The following ZFP28 variants were observed in gnomAD, a reference collection of about 807,000 sequenced individuals.
ZFP28 encodes zinc finger protein 28 homolog.
A neutral mutation model predicts 39.5 loss-of-function variants in ZFP28; 31 were observed. The observed-to-expected ratio is 0.79, with a 90% confidence interval of 0.59 to 1.06. The LOEUF (loss-of-function observed/expected upper bound fraction) is 1.06. Ranked by LOEUF, ZFP28 falls within the 50% of genes least tolerant of loss-of-function variation. The pLI is 0.00. For missense variants in ZFP28, 925 were observed against 1,048.4 expected (o/e 0.88, Z 1.63); for synonymous variants, 400 against 378.6 (o/e 1.06, Z -0.66).
chr19:56,553,524 A>C (rs2044323052), intron 7 of ZFP28, among the ~76,000 whole-genome samples, 160 bp from the exon 8 acceptor site: 1 of 152,172 alleles, frequency 6.6e-6, no homozygotes, highest in Non-Finnish European at 1.5e-5. Context: ...TACAGGTGTA[A>C]GCCACTGTGC....
At chr19:56,543,302 T>C (rs1360765636) in intron 2 of ZFP28, among the ~76,000 whole-genome samples, 2 of 148,560 alleles carry the variant, frequency 1.3e-5, no homozygotes, top group Non-Finnish European at 1.5e-5. Context: ...TCTCTATCTT[T>C]GTGTGTGTGC....
In ZFP28 at chr19:56,555,103, G is replaced by A. The variant is rs762201381; in HGVS notation, c.2318G>A (p.Ser773Asn). The A allele has an allele frequency of 1.2e-5, 20 of 1,614,056 alleles. No individual in the cohort carries two copies. Among genetic ancestry groups the A allele is most frequent in the Non-Finnish European group, 1.6e-5 (19 of 1,180,036 alleles). Residue 773 changes from serine (S) to asparagine (N), a missense_variant, in exon 8 of 8, where the codon AGT becomes AAT. Around this residue, in one of 2 missense-constraint regions of ZFP28, gnomAD observed 369 missense variants for 505.5 expected, o/e 0.73. Coordinates refer to ENST00000301318, the MANE Select transcript of ZFP28 (RefSeq NM_020828.2). The stretch of plus-strand genomic sequence containing the variant: ...GCCTTTAGTCATCGTCAATCCCTTA[G>A]TGTACATCAGAGAATCCATTCTGGA... The part of the protein sequence containing the change: ...GKAFSHRQSL[S>N]VHQRIHSGKK...
Position 56,539,177 on chromosome 19 carries a change from C to A in ZFP28, c.159C>A (p.Leu53=), listed in dbSNP as rs769215555. ...GAAGGCCGCGCTCAAGGAATGGCCTCGCATCCAAAGGCCAGCGAGGAGCGG... is the reference window on the plus strand; with the variant it reads ...GAAGGCCGCGCTCAAGGAATGGCCTAGCATCCAAAGGCCAGCGAGGAGCGG... ...ARGRPRSRNG[L]ASKGQRGAAP... is the part of the protein sequence containing the mutation. Residue 53 remains leucine, a synonymous_variant, in exon 1 of 8, where the codon CTC becomes CTA. Transcript: ENST00000301318. The A allele has an allele frequency of 6.2e-7, 1 of 1,603,406 alleles. No individual in the cohort carries two copies. The highest frequency in any genetic ancestry group is 1.1e-5 in the South Asian group (1 of 89,932).
intron 7 of ZFP28, chr19:56,551,909 T>C (rs2044307773): frequency 1.0e-6 from 1 of 982,810 alleles, no homozygotes; most frequent in South Asian, 4.7e-5. Flanking sequence ...TGTCTCAAAC[T>C]ATTTTCACAT....
intron 2 of ZFP28, among the ~76,000 whole-genome samples, chr19:56,543,291 G>A (rs1277406244): frequency 6.7e-6 from 1 of 148,406 alleles, no homozygotes; most frequent in East Asian, 2.0e-4. Context: ...TTCTTTTAAT[G>A]TCTCTATCTT....
At chr19:56,539,304 T>A in intron 1 of ZFP28, 78 bp downstream of exon 1, 1 of 1,406,148 alleles carries the variant, frequency 7.1e-7, no homozygotes, top group Non-Finnish European at 9.5e-7. Context: ...GGGGTTGGGC[T>A]CTCGGGGACC....
intron 2 of ZFP28, among the ~76,000 whole-genome samples, chr19:56,540,238 T>C (rs932673584): frequency 1.1e-4 from 16 of 152,134 alleles, no homozygotes; most frequent in African/African-American, 3.4e-4. Context: ...AGCGGAAGGG[T>C]AGGCCTATTT....
At chr19:56,539,507 A>C in intron 1 of ZFP28, 118 bp from the exon 2 acceptor site, 1 of 866,070 alleles carries the variant, frequency 1.2e-6, no homozygotes, top group Non-Finnish European at 1.8e-6. Flanking sequence ...ACGTTGTGGC[A>C]GTCCCTAGGC....
chr19:56,543,553 T>C (rs2044214706), intron 2 of ZFP28, among the ~76,000 whole-genome samples: 1 of 151,914 alleles, frequency 6.6e-6, no homozygotes, highest in African/African-American at 2.4e-5. Flanking sequence ...TATAGGCGTG[T>C]GCCACCATAC....
At chr19:56,549,982 G>A (rs887060796) in intron 5 of ZFP28, 85 bp from the exon 6 acceptor site, 7 of 1,058,340 alleles carry the variant, frequency 6.6e-6, no homozygotes, top group Middle Eastern at 5.7e-4. Context: ...TGCCTTTTTT[G>A]CAGTGTGGAC....
chr19:56,544,918 T>C (rs1377851601), intron 2 of ZFP28, among the ~76,000 whole-genome samples: 2 of 152,178 alleles, frequency 1.3e-5, no homozygotes, highest in African/African-American at 2.4e-5. Context: ...CTCTACGTGA[T>C]TACATTGAAG....
rs2044210155 is a variant in ZFP28 at position 56,543,151 on chromosome 19, CTGAAT to C, written c.300+3442_300+3446del. 1.2e-4 allele frequency among the ~76,000 whole-genome samples: 18 copies of C among 151,986 alleles called. No individual in the cohort carries two copies. The South Asian group carries it at 3.5e-3, about 30-fold the overall frequency. ...TTTATTTGTATGTTTTAAAAATTAA[CTGAAT>C]TGAATTTAAACAAATCTTTTTAGTG... is the stretch of plus-strand genomic sequence containing the variant. On this transcript the variant is annotated intron_variant, in intron 2 of 7. Transcript: ENST00000301318.
intron 7 of ZFP28, chr19:56,551,145 T>C (rs1338363709): frequency 9.9e-7 from 1 of 1,008,504 alleles, no homozygotes. Context: ...TAGGGCATTA[T>C]AGAGACAAAG....
Position 56,554,074 on chromosome 19 carries a change from C to G in ZFP28, c.1289C>G (p.Thr430Ser). Residue 430 changes from threonine to serine, a missense_variant, in exon 8 of 8, where the codon ACC (threonine) becomes AGC (serine). Physicochemically the swap from Thr to Ser is moderately conservative, Grantham distance 58 (BLOSUM62 1). Coordinates refer to ENST00000301318, the MANE Select transcript of ZFP28 (RefSeq NM_020828.2). This position sits in a 1 kb window ranked among gnomAD's most constrained non-coding sequence, Gnocchi z 6.7. ...FKCNECKKTF[T>S]QSSSLTVHQR... is the part of the protein sequence containing the mutation. ...TGTAATGAATGTAAGAAAACTTTTACCCAGAGCTCATCTCTTACTGTTCAT... is the reference window on the plus strand; with the variant it reads ...TGTAATGAATGTAAGAAAACTTTTAGCCAGAGCTCATCTCTTACTGTTCAT... 1 of 1,614,172 alleles carries G rather than the reference C, an allele frequency of 6.2e-7. No individual in the cohort carries two copies. Among genetic ancestry groups the G allele is most frequent in the Non-Finnish European group, 8.5e-7 (1 of 1,180,038 alleles).
chr19:56,554,849 C>T lies in ZFP28; in HGVS notation c.2064C>T (p.Leu688=). Residue 688 remains leucine, a synonymous_variant, in exon 8 of 8, where the codon CTC becomes CTT. Transcript: ENST00000301318. The surrounding 1 kb of genome is among the most constrained non-coding windows in gnomAD (Gnocchi z 6.7). ...CGKAFSQTTH[L]IQHQRVHTGE... is the part of the protein sequence containing the mutation. ...AAGCCTTCAGCCAGACCACACACCT[C>T]ATTCAACATCAGAGAGTTCACACTG... is the stretch of plus-strand genomic sequence containing the variant. 6.2e-7 allele frequency: 1 copy of T among 1,614,062 alleles called. No individual in the cohort carries two copies. The highest frequency in any genetic ancestry group is 2.2e-5 in the East Asian group (1 of 44,860).
At chr19:56,541,525 C>T (rs1349187647) in intron 2 of ZFP28, among the ~76,000 whole-genome samples, 1 of 152,120 alleles carries the variant, frequency 6.6e-6, no homozygotes, top group East Asian at 1.9e-4. Flanking sequence ...GTGCTCAGGA[C>T]CCTCCAGTGG....
At chr19:56,550,750 C>G (rs1759364154) in intron 7 of ZFP28, 145 bp downstream of exon 7, 1 of 1,542,000 alleles carries the variant, frequency 6.5e-7, no homozygotes, top group Non-Finnish European at 8.7e-7. Context: ...TCTGGGAGTT[C>G]CAAATAATTC....
At chr19:56,552,619 G>C (rs535923138) in intron 7 of ZFP28, 6 of 152,192 alleles carry the variant, frequency 3.9e-5, no homozygotes, top group African/African-American at 1.4e-4. Flanking sequence ...GTGTGGTCTA[G>C]AAGTTTGCAT....
Position 56,555,404 on chromosome 19 carries a change from C to T in ZFP28, c.*12C>T. 6.3e-7 allele frequency: 1 copy of T among 1,586,314 alleles called. No individual in the cohort carries two copies. Among genetic ancestry groups the T allele is most frequent in the Non-Finnish European group, 8.6e-7 (1 of 1,167,312 alleles). On this transcript the variant is annotated 3_prime_UTR_variant, in exon 8 of 8. Transcript: ENST00000301318. ...TCCCATCACCATAGCCTCGAGACGT[C>T]ATTTCTGTTTGACTACTCCAGCAGT...
Sources: gnomAD v4.1 joint callset for allele counts (sites outside exome capture counted in the v4.1 genomes callset) on GRCh38, gnomAD v4.1.1 for gene constraint, gnomAD v4.1.1 regional missense constraint, Gnocchi (gnomAD v3.1) non-coding constraint, MANE v1.5 for transcripts, NCBI Gene and HGNC (gene_info 2026-07-23, HGNC 2026-07-21) for gene names.